Variants in SYT9 observed in about 807,000 individuals in gnomAD.
SYT9 encodes the protein synaptotagmin-9.
SYT9 carries 22 observed loss-of-function variants against 48.4 expected under a neutral mutation model. That is an observed-to-expected ratio of 0.45 (90% confidence interval 0.32 to 0.65). SYT9 has a LOEUF of 0.65. Ranked by LOEUF, SYT9 falls within the 30% of genes least tolerant of loss-of-function variation. SYT9 has a pLI of 0.03. For missense variants in SYT9, 577 were observed against 622.0 expected, an observed-to-expected ratio of 0.93 and a Z score of 0.77; for synonymous variants, 265 against 245.0, an observed-to-expected ratio of 1.08 and a Z score of -0.76.
At chr11:7,323,802 G>T (rs1297185633) in intron 3 of SYT9, among the ~76,000 whole-genome samples, 2 of 151,970 alleles carry the variant, frequency 1.3e-5, no homozygotes, top group Non-Finnish European at 2.9e-5. Context: ...GAATGTGTGT[G>T]TGTATGCGTG....
intron 3 of SYT9, among the ~76,000 whole-genome samples, chr11:7,412,156 T>C (rs1847149487): frequency 6.6e-6 from 1 of 152,226 alleles, no homozygotes; most frequent in Admixed American, 6.5e-5. Context: ...AATCAGTAAT[T>C]TGAATTATTT....
intron 3 of SYT9, among the ~76,000 whole-genome samples, chr11:7,366,588 C>T (rs1850248354): frequency 6.6e-6 from 1 of 152,130 alleles, no homozygotes. Flanking sequence ...TCATAATCCT[C>T]CTGGTTATTA....
chr11:7,276,489 G>A (rs1848395748), intron 1 of SYT9, among the ~76,000 whole-genome samples: 1 of 152,162 alleles, frequency 6.6e-6, no homozygotes, highest in Non-Finnish European at 1.5e-5. Context: ...TCTTTAGCAT[G>A]ACACGTGAGA....
upstream of SYT9, chr11:7,251,827 A>C: frequency 5.4e-6 from 1 of 186,018 alleles, no homozygotes; most frequent in African/African-American, 2.3e-5. Context: ...CCGCTATCCT[A>C]CCCTGCGGCG....
intron 6 of SYT9, among the ~76,000 whole-genome samples, chr11:7,423,793 C>T (rs991981654): frequency 1.3e-5 from 2 of 152,128 alleles, no homozygotes; most frequent in African/African-American, 4.8e-5. Flanking sequence ...AGGGGTCATC[C>T]AGTACTTGGC....
intron 1 of SYT9, among the ~76,000 whole-genome samples, chr11:7,295,458 C>T (rs1455454376): frequency 6.6e-6 from 1 of 152,162 alleles, no homozygotes; most frequent in Non-Finnish European, 1.5e-5. Flanking sequence ...TCAGAATGGT[C>T]TTTACTGTTC....
At chr11:7,385,658 T>A (rs1384627395) in intron 3 of SYT9, among the ~76,000 whole-genome samples, 1 of 151,992 alleles carries the variant, frequency 6.6e-6, no homozygotes, top group Non-Finnish European at 1.5e-5. Flanking sequence ...AAAAAAAGTT[T>A]AAAAAAATCA....
At chr11:7,325,160 T>C (rs1423679114) in intron 3 of SYT9, among the ~76,000 whole-genome samples, 11 of 152,018 alleles carry the variant, frequency 7.2e-5, no homozygotes, top group Admixed American at 7.2e-4. Flanking sequence ...AAGTCATTGG[T>C]AGCTTGATGG....
intron 1 of SYT9, among the ~76,000 whole-genome samples, chr11:7,289,598 GCT>G (rs943651797): frequency 6.6e-6 from 1 of 152,230 alleles, no homozygotes; most frequent in Non-Finnish European, 1.5e-5. Flanking sequence ...CATAGCTATA[GCT>G]CGGTCCACTG....
At chr11:7,241,554 G>A (rs1291427939) in intron 1 of SYT9, among the ~76,000 whole-genome samples, 1 of 152,152 alleles carries the variant, frequency 6.6e-6, no homozygotes, top group Non-Finnish European at 1.5e-5. Context: ...AAGTAGCTAA[G>A]GACCAGGAAA....
At chr11:7,332,005 G>A (rs1305575556) in intron 3 of SYT9, among the ~76,000 whole-genome samples, 3 of 152,186 alleles carry the variant, frequency 2.0e-5, no homozygotes. Flanking sequence ...AACTAAAATA[G>A]CTCCAATATG....
intron 6 of SYT9, chr11:7,444,376 T>A (rs1324148753): frequency 1.3e-5 from 2 of 152,252 alleles, no homozygotes; most frequent in African/African-American, 4.8e-5. Context: ...TTTTCTTCAA[T>A]GATCCAGTGG....
intron 3 of SYT9, among the ~76,000 whole-genome samples, chr11:7,330,337 A>G (rs1849504848): frequency 6.6e-6 from 1 of 152,178 alleles, no homozygotes; most frequent in African/African-American, 2.4e-5. Flanking sequence ...TATATGAAAG[A>G]GGCAAAATTA....
At chr11:7,415,837 G>C (rs548996754) in intron 3 of SYT9, among the ~76,000 whole-genome samples, 11 of 152,248 alleles carry the variant, frequency 7.2e-5, no homozygotes, top group Admixed American at 2.0e-4. Context: ...CCAAAGATAG[G>C]CTGTGCCTCC....
At chr11:7,285,511 G>T (rs939239361) in intron 1 of SYT9, among the ~76,000 whole-genome samples, 2 of 152,112 alleles carry the variant, frequency 1.3e-5, no homozygotes, top group African/African-American at 4.8e-5. Context: ...GATGAGATTT[G>T]GGTGGGGACA....
upstream of SYT9, among the ~76,000 whole-genome samples, chr11:7,251,130 A>ACACC (rs1554895816): frequency 1.6e-5 from 2 of 127,230 alleles, no homozygotes; most frequent in African/African-American, 2.6e-5. Flanking sequence ...ACACACACAC[A>ACACC]CACCCAGAGT....
intron 3 of SYT9, among the ~76,000 whole-genome samples, chr11:7,376,284 CTCTT>C (rs1850451556): frequency 6.6e-6 from 1 of 151,208 alleles, no homozygotes; most frequent in Non-Finnish European, 1.5e-5. Flanking sequence ...TTCTCTTTCT[CTCTT>C]TTTCTCTTTA....
At chr11:7,288,878 G>A (rs76077685) in intron 1 of SYT9, among the ~76,000 whole-genome samples, 11,057 of 152,162 alleles carry the variant, frequency 0.073, 526 homozygotes, top group African/African-American at 0.13. Flanking sequence ...CATTATTCCT[G>A]TCTCCAGTGC....
intron 1 of SYT9, among the ~76,000 whole-genome samples, chr11:7,270,232 G>T (rs1589900969): frequency 6.6e-6 from 1 of 151,938 alleles, no homozygotes; most frequent in Non-Finnish European, 1.5e-5. Context: ...TAGCAAGAAG[G>T]TACATTTTTT....
Sources: allele counts gnomAD v4.1 joint callset (sites outside exome capture counted in the v4.1 genomes callset), GRCh38; gene constraint gnomAD v4.1.1; transcripts MANE v1.5; gene names NCBI Gene and HGNC (gene_info 2026-07-23, HGNC 2026-07-21).